The following SLC22A23 variants were observed in gnomAD, a reference collection of about 807,000 sequenced individuals.
SLC22A23 encodes the protein ion transporter protein.
SLC22A23 carries 26 observed loss-of-function variants against 61.0 expected under a neutral mutation model. The ratio of observed to expected loss-of-function variants is 0.43; its 90% CI spans 0.31 to 0.59. The LOEUF (loss-of-function observed/expected upper bound fraction) is 0.59. Ranked by LOEUF, SLC22A23 falls within the 20% of genes least tolerant of loss-of-function variation. The pLI is 0.11. For missense variants in SLC22A23, 796 were observed against 934.7 expected (o/e 0.85, Z 1.94); for synonymous variants, 430 against 413.9 (o/e 1.04, Z -0.47).
At position 3,455,950 on chromosome 6, in the gene SLC22A23, C is replaced by A; in HGVS notation, c.610G>T (p.Asp204Tyr). 1 of 1,537,602 alleles carries A rather than the reference C, an allele frequency of 6.5e-7. No individual in the cohort carries two copies. Among genetic ancestry groups the A allele is most frequent in the Non-Finnish European group, 8.8e-7 (1 of 1,139,094 alleles). Residue 204 changes from aspartate (D) to tyrosine (Y), a missense_variant, in exon 1 of 10, where the codon GAC (aspartate) becomes TAC (tyrosine). Physicochemically the swap from Asp to Tyr is radical, Grantham distance 160. Coordinates refer to ENST00000406686, the MANE Select transcript of SLC22A23 (RefSeq NM_015482.2). ...ACGAGGCCGGCGCGGATGCCGTAGT[C>A]CCATGCGCGGCAGTCACAGTTGGAG... ...NASNCDCRAW[D>Y]YGIRAGLVQN...
intron 4 of SLC22A23, among the ~76,000 whole-genome samples, chr6:3,307,530 G>A (rs1168382789): frequency 3.9e-5 from 6 of 152,230 alleles, no homozygotes; most frequent in Non-Finnish European, 5.9e-5. Context: ...CCTCCTCACG[G>A]AGCCCTGCGG....
chr6:3,362,416 ATAAAATAAAAAATAAAAAAT>A lies in SLC22A23; in HGVS notation c.914-38434_914-38415del, dbSNP rs1260531380. Among the ~76,000 whole-genome samples the A allele has an allele frequency of 1.7e-4, 20 of 116,450 alleles. 4 individuals are homozygous for A. The highest frequency in any genetic ancestry group is 2.5e-4 in the Non-Finnish European group (14 of 56,108). The allele number at this position is 116,450 out of a possible 152,430, so 76.4% of individuals were successfully genotyped here. A position where few individuals can be genotyped will look rare whatever the true frequency, so the allele number is the denominator to read the frequency against. ...AGATTCCGTCTCACAAAAAAAAAAA[ATAAAATAAAAAATAAAAAAT>A]AAAAATTAGCATGCATTTTCATCAG... On this transcript the variant is annotated intron_variant, in intron 3 of 9. Coordinates refer to ENST00000406686, the MANE Select transcript of SLC22A23 (RefSeq NM_015482.2).
At chr6:3,275,737 CAT>C (rs1758833788) in intron 9 of SLC22A23, among the ~76,000 whole-genome samples, 1 of 152,192 alleles carries the variant, frequency 6.6e-6, no homozygotes, top group Non-Finnish European at 1.5e-5. Context: ...CGCGTGCCAC[CAT>C]GCCCAGCTAA....
intron 9 of SLC22A23, chr6:3,283,617 C>G (rs1759684940): frequency 1.9e-6 from 1 of 517,498 alleles, no homozygotes; most frequent in Non-Finnish European, 3.5e-6. Flanking sequence ...GAGTAGCTCC[C>G]TGTTCCCCCT....
In SLC22A23 at chr6:3,322,942, A is replaced by G. The variant is rs867698108; in HGVS notation, c.1082+892T>C. ...ATGGAGAGGGATGGGAAGGAAGGGA[A>G]AGGATGAAAAACAGCATTTATAAAA... On this transcript the variant is annotated intron_variant, in intron 4 of 9. Coordinates refer to ENST00000406686, the MANE Select transcript of SLC22A23 (RefSeq NM_015482.2). The surrounding 1 kb of genome is among the most constrained non-coding windows in gnomAD (Gnocchi z 4.1). Among the ~76,000 whole-genome samples the G allele has an allele frequency of 3.9e-5, 6 of 152,210 alleles. No homozygotes were observed. Among genetic ancestry groups the G allele is most frequent in the Non-Finnish European group, 8.8e-5 (6 of 68,028 alleles).
intron 4 of SLC22A23, among the ~76,000 whole-genome samples, chr6:3,314,975 G>T (rs894236692): frequency 1.2e-4 from 18 of 152,106 alleles, no homozygotes; most frequent in Non-Finnish European, 2.1e-4. Context: ...TCGTCTTATT[G>T]CTTTCCCAGA....
chr6:3,447,892 TCTCTC>T (rs1369907332), intron 1 of SLC22A23, among the ~76,000 whole-genome samples: 1 of 43,266 alleles, frequency 2.3e-5, no homozygotes, highest in African/African-American at 1.7e-4. Flanking sequence ...CTGGCCTCTC[TCTCTC>T]TTTTTTTTTT....
intron 3 of SLC22A23, among the ~76,000 whole-genome samples, chr6:3,371,704 T>A (rs1299136911): frequency 6.6e-6 from 1 of 152,240 alleles, no homozygotes; most frequent in Non-Finnish European, 1.5e-5. Flanking sequence ...GAATGTTAGC[T>A]AATCTCCTTC....
In SLC22A23 at chr6:3,372,854, A is replaced by G. The variant is rs1766314781; in HGVS notation, c.913+37334T>C. ...TTTCATCGCCAAACATTTATGAAAT[A>G]CTTAAAATACACTAAGTGAGAGTCA... On this transcript the variant is annotated intron_variant, in intron 3 of 9. Transcript: ENST00000406686. This position sits in a 1 kb window ranked among gnomAD's most constrained non-coding sequence, Gnocchi z 4.7. Among the ~76,000 whole-genome samples the G allele has an allele frequency of 6.6e-6, 1 of 152,256 alleles. No individual in the cohort carries two copies. The highest frequency in any genetic ancestry group is 1.5e-5 in the Non-Finnish European group (1 of 68,050).
Position 3,352,763 on chromosome 6 carries a change from G to T in SLC22A23, c.914-28761C>A, listed in dbSNP as rs529898069. 3.2e-3 allele frequency among the ~76,000 whole-genome samples: 488 copies of T among 152,294 alleles called. 2 individuals carry two copies. The highest frequency in any genetic ancestry group is 0.014 in the Middle Eastern group (4 of 294). ...CGCTTACAGGTGTTCAAAAAGCAGA[G>T]AAATGACAATTCTTTAATTAATCTG... is the stretch of plus-strand genomic sequence containing the variant. On this transcript the variant is annotated intron_variant, in intron 3 of 9. Coordinates refer to ENST00000406686, the MANE Select transcript of SLC22A23 (RefSeq NM_015482.2).
At chr6:3,281,598 G>A (rs1030033698) in intron 9 of SLC22A23, among the ~76,000 whole-genome samples, 1 of 152,142 alleles carries the variant, frequency 6.6e-6, no homozygotes, top group Admixed American at 6.5e-5. Context: ...AAGAAAGATG[G>A]AGCTCACGGG....
intron 3 of SLC22A23, among the ~76,000 whole-genome samples, chr6:3,374,705 A>G (rs1302081692): frequency 1.3e-5 from 2 of 152,218 alleles, no homozygotes; most frequent in African/African-American, 2.4e-5. Context: ...GCTGGGCCGA[A>G]GCCCTGAAGC....
chr6:3,312,819 A>G (rs565794147), intron 4 of SLC22A23: 1 of 152,482 alleles, frequency 6.6e-6, no homozygotes, highest in African/African-American at 2.4e-5. Flanking sequence ...CCACCCCACA[A>G]AGTGCACACA....
chr6:3,406,137 TG>T (rs1344575339), intron 3 of SLC22A23, among the ~76,000 whole-genome samples: 7 of 152,034 alleles, frequency 4.6e-5, no homozygotes, highest in Non-Finnish European at 1.0e-4. Flanking sequence ...GTGTAGCTGG[TG>T]GGGGGCAGTT....
rs751885776 is a variant in SLC22A23 at position 3,322,524 on chromosome 6, G to A, written c.1082+1310C>T. On this transcript the variant is annotated intron_variant, in intron 4 of 9. Coordinates refer to ENST00000406686, the MANE Select transcript of SLC22A23 (RefSeq NM_015482.2). This position sits in a 1 kb window ranked among gnomAD's most constrained non-coding sequence, Gnocchi z 4.1. ...CAACTTCGGGACAAGAGCTGGAGGC[G>A]GCCCCAGGAGAGGAGCTCAGTTCGG... 3.2e-4 allele frequency among the ~76,000 whole-genome samples: 49 copies of A among 152,218 alleles called. 1 individual carries two copies. Among genetic ancestry groups the A allele is most frequent in the Admixed American group, 2.4e-3 (36 of 15,288 alleles).
intron 3 of SLC22A23, among the ~76,000 whole-genome samples, chr6:3,359,804 C>T (rs767812742): frequency 2.2e-4 from 33 of 152,066 alleles, no homozygotes; most frequent in Non-Finnish European, 4.1e-4. Context: ...ACGCAGGTGT[C>T]CATCAACAGA....
chr6:3,441,675 C>T (rs1771605330), intron 1 of SLC22A23, among the ~76,000 whole-genome samples: 1 of 152,208 alleles, frequency 6.6e-6, no homozygotes, highest in Non-Finnish European at 1.5e-5. Context: ...TCACAGTGCA[C>T]TGCACCTGCC....
At chr6:3,438,556 C>T (rs944520147) in intron 1 of SLC22A23, 2 of 456,074 alleles carry the variant, frequency 4.4e-6, no homozygotes, top group Non-Finnish European at 8.8e-6. Context: ...GCTGACAACA[C>T]TATAAAACCA....
At position 3,370,080 on chromosome 6, in the gene SLC22A23, CTT is replaced by C. The variant is rs1377938336; in HGVS notation, c.913+40106_913+40107del. ...CTATAAGAAAATCGGCTACAATAGA[CTT>C]TGCTGAATTTCACTTTTTGGAATAT... is the stretch of plus-strand genomic sequence containing the variant. On this transcript the variant is annotated intron_variant, in intron 3 of 9. Coordinates refer to ENST00000406686, the MANE Select transcript of SLC22A23 (RefSeq NM_015482.2). 2.0e-5 allele frequency among the ~76,000 whole-genome samples: 3 copies of C among 152,164 alleles called. No individual in the cohort carries two copies. In the East Asian group the frequency reaches 5.8e-4, roughly 29 times the overall value.
Sources: gnomAD v4.1 joint callset for allele counts (sites outside exome capture counted in the v4.1 genomes callset) on GRCh38, gnomAD v4.1.1 for gene constraint, Gnocchi (gnomAD v3.1) non-coding constraint, MANE v1.5 for transcripts, NCBI Gene and HGNC (gene_info 2026-07-23, HGNC 2026-07-21) for gene names.